USP40: variants seen among roughly 807,000 people sequenced by gnomAD.
USP40 encodes the protein ubiquitin carboxyl-terminal hydrolase 40.
Under a neutral mutation model 166.2 loss-of-function variants are expected in USP40, and 143 were observed. The observed-to-expected ratio is 0.86, with a 90% confidence interval of 0.75 to 0.99. USP40 has a LOEUF of 0.99. Among genes scored for constraint, USP40 ranks in the 50% least tolerant of loss-of-function variants. The pLI is 0.00. For synonymous variants in USP40, 498 were observed against 524.0 expected (o/e 0.95, Z 0.68); for missense variants, 1,444 against 1,479.7 (o/e 0.98, Z 0.40).
At chr2:233,537,199 C>T (rs1316492631) in intron 10 of USP40, among the ~76,000 whole-genome samples, 3 of 151,984 alleles carry the variant, frequency 2.0e-5, no homozygotes, top group Non-Finnish European at 4.4e-5. Context: ...AGGTATTATA[C>T]GTAATCTAGT....
At chr2:233,508,691 T>C (rs989277295) in intron 21 of USP40, among the ~76,000 whole-genome samples, 1 of 152,208 alleles carries the variant, frequency 6.6e-6, no homozygotes, top group Non-Finnish European at 1.5e-5. Flanking sequence ...AGTTGGAATA[T>C]GTTTATAAAT....
At position 233,543,860 on chromosome 2, in the gene USP40, GCCCATACAGGGCA is replaced by G. The variant is rs1462230363; in HGVS notation, c.967-1510_967-1498del. On this transcript the variant is annotated intron_variant, in intron 8 of 31. Transcript: ENST00000678225. Reference sequence around the variant, plus strand: ...GCTGACACTGAACTTCCATTTTGATGCCCATACAGGGCAGAGTTGGGGAGAGAAAGCCTAGGCC... The same window carrying G: ...GCTGACACTGAACTTCCATTTTGATGGAGTTGGGGAGAGAAAGCCTAGGCC... Among the ~76,000 whole-genome samples, 3 of 152,226 alleles carry G rather than the reference GCCCATACAGGGCA, an allele frequency of 2.0e-5. No individual in the cohort carries two copies. In the East Asian group the frequency reaches 5.8e-4, roughly 29 times the overall value.
intron 2 of USP40, among the ~76,000 whole-genome samples, chr2:233,563,783 C>T (rs749304889): frequency 6.6e-6 from 1 of 152,180 alleles, no homozygotes; most frequent in Non-Finnish European, 1.5e-5. Flanking sequence ...GCTATACAAG[C>T]AGTGCACATT....
chr2:233,517,350 T>C (rs560567444), intron 18 of USP40, among the ~76,000 whole-genome samples: 139 of 151,176 alleles, frequency 9.2e-4, no homozygotes, highest in African/African-American at 3.2e-3. Context: ...AAGAAGTCAT[T>C]ATACAAAAAA....
rs1262308758 is a variant in USP40 at position 233,477,476 on chromosome 2, G to A, written c.3627C>T (p.Ser1209=). ...GCGTCTCTGCACTGGAGAGGATGTAGCTGCTCTGCTCATGGAGGGCTTCTT... is the reference window on the plus strand; with the variant it reads ...GCGTCTCTGCACTGGAGAGGATGTAACTGCTCTGCTCATGGAGGGCTTCTT... ...KSQEALHEQS[S]YILSSAETPA... The change falls in exon 32 of 32, where the codon AGC becomes AGT. Residue 1209 remains serine (S), a synonymous_variant. Transcript: ENST00000678225. The A allele has an allele frequency of 2.5e-6, 4 of 1,613,570 alleles. No homozygotes were observed. The East Asian group carries it at 8.9e-5, about 36-fold the overall frequency.
In USP40 at chr2:233,565,516, C is replaced by A; in HGVS notation, c.39G>T (p.Val13=). 1 of 1,537,284 alleles carries A rather than the reference C, an allele frequency of 6.5e-7. No individual in the cohort carries two copies. The highest frequency in any genetic ancestry group is 2.0e-5 in the Admixed American group (1 of 50,998). ...GDLFEEEYST[V]SNNQYGKGKK... The stretch of plus-strand genomic sequence containing the variant: ...TCCCTTTTCCATACTGATTATTAGA[C>A]ACAGTGGAATACTCCTCTTCAAACA... Residue 13 remains valine (V), a synonymous_variant, in exon 2 of 32, where the codon GTG becomes GTT. Transcript: ENST00000678225.
chr2:233,551,346 G>T (rs2070538977), intron 7 of USP40, 30 bp downstream of exon 7: 1 of 1,565,654 alleles, frequency 6.4e-7, no homozygotes, highest in Non-Finnish European at 8.6e-7. Context: ...GAGGGGAAAA[G>T]AAAGAATTTA....
At chr2:233,517,943 C>T (rs1455718329) in intron 18 of USP40, among the ~76,000 whole-genome samples, 1 of 150,026 alleles carries the variant, frequency 6.7e-6, no homozygotes. Context: ...AACCAAACAC[C>T]GTATGTTCTC....
chr2:233,521,079 A>G lies in USP40; in HGVS notation c.2237T>C (p.Met746Thr). 2.5e-6 allele frequency: 4 copies of G among 1,609,712 alleles called. No individual in the cohort carries two copies. The highest frequency in any genetic ancestry group is 1.1e-5 in the South Asian group (1 of 90,886). Reference protein sequence around the residue: ...LTKEEKWVTSMNEIDWLHVKN... With the variant: ...LTKEEKWVTSTNEIDWLHVKN... ...AACGTGGAGCCAGTCAATCTCATTC[A>G]TACTAGTGACCCATTTCTCTTCCTT... is the stretch of plus-strand genomic sequence containing the variant. The change falls in exon 17 of 32, where the codon ATG becomes ACG. Residue 746 changes from methionine to threonine, a missense_variant. Met to Thr is a moderately conservative substitution (Grantham distance 81). Transcript: ENST00000678225.
intron 18 of USP40, chr2:233,519,386 G>C (rs925299781): frequency 4.7e-6 from 2 of 427,916 alleles, no homozygotes; most frequent in African/African-American, 4.1e-5. Context: ...TTGTATCTGG[G>C]GAAGGAGAGA....
In USP40 at chr2:233,559,896, C is replaced by A; in HGVS notation, c.296G>T (p.Arg99Leu). ...KVRIIPLQLQ[R>L]LFAQLLLLDQ... is the part of the protein sequence containing the mutation. ...TAAGAGCAGAAGCTGAGCAAACAAG[C>A]GCTGTAACTGTAAAGGGATGATTCG... Residue 99 changes from arginine (R) to leucine (L), a missense_variant, in exon 4 of 32, where the codon CGC becomes CTC. Arg to Leu is a moderately radical substitution (Grantham distance 102). Coordinates refer to ENST00000678225, the MANE Select transcript of USP40 (RefSeq NM_001365479.2). 6.2e-7 allele frequency: 1 copy of A among 1,608,278 alleles called. No homozygotes were observed. The highest frequency in any genetic ancestry group is 8.5e-7 in the Non-Finnish European group (1 of 1,177,420).
At chr2:233,529,802 C>CTT (rs1317247497) in intron 11 of USP40, among the ~76,000 whole-genome samples, 1 of 128,792 alleles carries the variant, frequency 7.8e-6, no homozygotes, top group Non-Finnish European at 1.6e-5. Context: ...TTTTTTTTTT[C>CTT]TTTTTCTTTT....
At chr2:233,503,643 T>C (rs917749799) in intron 21 of USP40, among the ~76,000 whole-genome samples, 3 of 151,930 alleles carry the variant, frequency 2.0e-5, no homozygotes, top group African/African-American at 4.8e-5. Flanking sequence ...AAAAAAACAC[T>C]GTCAGCCAAG....
chr2:233,485,119 C>T (rs1029103205), intron 30 of USP40, among the ~76,000 whole-genome samples: 1 of 152,110 alleles, frequency 6.6e-6, no homozygotes, highest in Admixed American at 6.5e-5. Context: ...TTATTTTATG[C>T]TTTTTCTGCA....
intron 20 of USP40, 57 bp from the exon 21 acceptor site, chr2:233,510,192 A>C: frequency 7.5e-7 from 1 of 1,331,932 alleles, no homozygotes; most frequent in Non-Finnish European, 1.0e-6. Context: ...AATCCAATAA[A>C]TGTATTATTT....
chr2:233,509,068 G>C (rs1411840776), intron 21 of USP40, among the ~76,000 whole-genome samples: 1 of 152,114 alleles, frequency 6.6e-6, no homozygotes, highest in Non-Finnish European at 1.5e-5. Flanking sequence ...AAGATGCCCT[G>C]GTTCCTGTTT....
At position 233,494,855 on chromosome 2, in the gene USP40, CTG is replaced by C. The variant is rs201645171; in HGVS notation, c.2791-1306_2791-1305del. ...AAAAAAAAAAAAACCAAAAAAAAAACTGTGCAATTTCAGTTCTAGGAATTTAT... is the reference window on the plus strand; with the variant it reads ...AAAAAAAAAAAAACCAAAAAAAAAACTGCAATTTCAGTTCTAGGAATTTAT... On this transcript the variant is annotated intron_variant, in intron 24 of 31. Transcript: ENST00000678225. 1.9e-3 allele frequency among the ~76,000 whole-genome samples: 220 copies of C among 113,996 alleles called. 9 individuals carry two copies. The highest frequency in any genetic ancestry group is 0.018 in the Admixed American group (190 of 10,418). The allele number at this position is 113,996 out of a possible 152,430, so 74.8% of individuals were successfully genotyped here.
Position 233,558,966 on chromosome 2 carries a change from G to GGGT in USP40, c.381+844_381+845insACC, listed in dbSNP as rs1231140307. Among the ~76,000 whole-genome samples, 33 of 152,264 alleles carry GGGT rather than the reference G, an allele frequency of 2.2e-4. No individual in the cohort carries two copies. In the East Asian group the frequency reaches 3.3e-3, roughly 15 times the overall value. On this transcript the variant is annotated intron_variant, in intron 4 of 31. Coordinates refer to ENST00000678225, the MANE Select transcript of USP40 (RefSeq NM_001365479.2). ...AGTTAAGAAGTGTTCCTGGTTAGAA[G>GGGT]ACTACCCTTCAGAGTTTACCATTAA...
intron 9 of USP40, among the ~76,000 whole-genome samples, chr2:233,541,956 T>C (rs1157559571): frequency 6.6e-6 from 1 of 152,158 alleles, no homozygotes; most frequent in African/African-American, 2.4e-5. Context: ...GAAAACAGAA[T>C]GCAAAGAATA....
Sources: allele counts gnomAD v4.1 joint callset (sites outside exome capture counted in the v4.1 genomes callset), GRCh38; gene constraint gnomAD v4.1.1; transcripts MANE v1.5; gene names NCBI Gene and HGNC (gene_info 2026-07-23, HGNC 2026-07-21).